The following TMEM178B variants were observed in gnomAD, a reference collection of about 807,000 sequenced individuals.
TMEM178B encodes the protein transmembrane protein 178B.
In TMEM178B, 5 loss-of-function variants were observed where a neutral mutation model predicts 31.0. That is an observed-to-expected ratio of 0.16 (90% confidence interval 0.08 to 0.34). The LOEUF (loss-of-function observed/expected upper bound fraction) is 0.34, where lower values mean the gene tolerates loss of function less well. TMEM178B is among the 10% of genes least tolerant of loss of function. The pLI, the probability that TMEM178B is intolerant of heterozygous loss-of-function variation, is 1.00. For synonymous variants in TMEM178B, 164 were observed against 164.0 expected (o/e 1.00, Z 0.00); for missense variants, 275 against 400.3 (o/e 0.69, Z 2.67).
rs1269977763 is a variant in TMEM178B at position 141,074,565 on chromosome 7, C to T, written c.255C>T (p.Arg85=). Residue 85 remains arginine (R), a synonymous_variant, in exon 1 of 4, where the codon CGC becomes CGT. Transcript: ENST00000565468. This position sits in a 1 kb window ranked among gnomAD's most constrained non-coding sequence, Gnocchi z 5.1. ...GCAAACTCCTCCGGGCCCGGAATCG[C>T]CGGCAGCTGTTCGCCATGAGCCCCG... ...WEGKLLRARN[R]RQLFAMSPAD... The T allele has an allele frequency of 9.8e-6, 15 of 1,535,854 alleles. No individual in the cohort carries two copies. Among genetic ancestry groups the T allele is most frequent in the Non-Finnish European group, 1.2e-5 (14 of 1,146,784 alleles).
intron 1 of TMEM178B, among the ~76,000 whole-genome samples, chr7:141,119,689 G>C (rs976532932): frequency 1.3e-5 from 2 of 152,146 alleles, no homozygotes; most frequent in Non-Finnish European, 2.9e-5. Context: ...AAATAGGGAG[G>C]GTAAGGGTGA....
intron 2 of TMEM178B, among the ~76,000 whole-genome samples, chr7:141,412,698 G>A (rs747828675): frequency 6.6e-6 from 1 of 152,168 alleles, no homozygotes; most frequent in African/African-American, 2.4e-5. Flanking sequence ...GCGGAGCTCG[G>A]GGGAGTCAGG....
At chr7:141,075,013 T>G (rs1268449780) in intron 1 of TMEM178B, among the ~76,000 whole-genome samples, 1 of 152,234 alleles carries the variant, frequency 6.6e-6, no homozygotes, top group Non-Finnish European at 1.5e-5. Context: ...GAACGTTGTT[T>G]GTGCTCTTAA....
intron 1 of TMEM178B, among the ~76,000 whole-genome samples, chr7:141,075,507 A>C (rs1794587526): frequency 6.6e-6 from 1 of 152,268 alleles, no homozygotes; most frequent in East Asian, 1.9e-4. Flanking sequence ...ATATGATCAC[A>C]TTACTTAAAA....
chr7:141,183,896 T>C lies in TMEM178B; in HGVS notation c.383-28695T>C, dbSNP rs1167998757. Among the ~76,000 whole-genome samples the C allele has an allele frequency of 2.6e-5, 4 of 152,356 alleles. No homozygotes were observed. In the East Asian group the frequency reaches 7.7e-4, roughly 29 times the overall value. On this transcript the variant is annotated intron_variant, in intron 1 of 3. Coordinates refer to ENST00000565468, the MANE Select transcript of TMEM178B (RefSeq NM_001195278.2). ...TAGCCCCGGCATGCGGCCTCCTTGGTGTGCAGGACAGCCAGGTTTGGCCTC... is the reference window on the plus strand; with the variant it reads ...TAGCCCCGGCATGCGGCCTCCTTGGCGTGCAGGACAGCCAGGTTTGGCCTC...
chr7:141,486,430 T>C, the TMEM178B span, among the ~76,000 whole-genome samples: 2 of 152,236 alleles, frequency 1.3e-5, no homozygotes, highest in Admixed American at 6.5e-5. Flanking sequence ...TTCAGGACCC[T>C]GTCTGCCCCC....
In TMEM178B at chr7:141,470,663, T is replaced by C; in HGVS notation, c.762T>C (p.Cys254=). Reference sequence around the variant, plus strand: ...ATGGCTATGGCTGGTCCATGTTCTGTGCATGGGGGGGCCTGGGCCTCACAC... The same window carrying C: ...ATGGCTATGGCTGGTCCATGTTCTGCGCATGGGGGGGCCTGGGCCTCACAC... ...ISHGYGWSMF[C]AWGGLGLTLI... is the part of the protein sequence containing the mutation. Residue 254 remains cysteine, a synonymous_variant, in exon 4 of 4, where the codon TGT becomes TGC. Coordinates refer to ENST00000565468, the MANE Select transcript of TMEM178B (RefSeq NM_001195278.2). The C allele has an allele frequency of 6.5e-7, 1 of 1,535,820 alleles. No homozygotes were observed. The highest frequency in any genetic ancestry group is 8.7e-7 in the Non-Finnish European group (1 of 1,146,844).
At chr7:141,116,505 A>G (rs1260828912) in intron 1 of TMEM178B, among the ~76,000 whole-genome samples, 1 of 152,160 alleles carries the variant, frequency 6.6e-6, no homozygotes. Context: ...TGACTCTGCA[A>G]TGAACTTGGA....
chr7:141,338,096 C>T (rs939613123), intron 2 of TMEM178B, among the ~76,000 whole-genome samples: 6 of 152,128 alleles, frequency 3.9e-5, no homozygotes, highest in Non-Finnish European at 7.4e-5. Context: ...CTCGGCCTCC[C>T]AAAGTGCTGG....
At chr7:141,334,008 C>T (rs894421270) in intron 2 of TMEM178B, among the ~76,000 whole-genome samples, 1 of 152,166 alleles carries the variant, frequency 6.6e-6, no homozygotes, top group African/African-American at 2.4e-5. Flanking sequence ...AGGGGGAACC[C>T]CTGCTCTAAG....
chr7:141,442,061 G>A (rs1024754510), intron 3 of TMEM178B, among the ~76,000 whole-genome samples: 1 of 152,204 alleles, frequency 6.6e-6, no homozygotes, highest in African/African-American at 2.4e-5. Flanking sequence ...CAGAAGCTCA[G>A]GAACAGGATG....
intron 2 of TMEM178B, among the ~76,000 whole-genome samples, chr7:141,436,807 C>G (rs1443484788): frequency 6.6e-6 from 1 of 152,142 alleles, no homozygotes; most frequent in East Asian, 1.9e-4. Context: ...AAAAATACTG[C>G]CTTTCCAGAC....
intron 2 of TMEM178B, among the ~76,000 whole-genome samples, chr7:141,293,462 A>G (rs1427459879): frequency 6.6e-6 from 1 of 152,162 alleles, no homozygotes; most frequent in Non-Finnish European, 1.5e-5. Flanking sequence ...GACTTTTGGA[A>G]TTGGAAGTAC....
intron 2 of TMEM178B, among the ~76,000 whole-genome samples, chr7:141,324,901 T>C (rs1170493800): frequency 6.6e-6 from 1 of 152,116 alleles, no homozygotes; most frequent in Non-Finnish European, 1.5e-5. Context: ...CTAGCCACAC[T>C]CTCCAATTGA....
intron 2 of TMEM178B, among the ~76,000 whole-genome samples, chr7:141,322,658 C>G (rs1799121352): frequency 6.6e-6 from 1 of 152,168 alleles, no homozygotes; most frequent in Admixed American, 6.5e-5. Context: ...ATATTCAAGG[C>G]TGGGACGTGT....
chr7:141,437,886 A>T (rs1801578252), intron 3 of TMEM178B, 141 bp downstream of exon 3: 1 of 1,251,834 alleles, frequency 8.0e-7, no homozygotes, highest in African/African-American at 1.5e-5. Flanking sequence ...GTTCACAAGC[A>T]CTTCTTGAGT....
chr7:141,297,765 A>G (rs1395677369), intron 2 of TMEM178B, among the ~76,000 whole-genome samples: 3 of 152,342 alleles, frequency 2.0e-5, no homozygotes, highest in African/African-American at 2.4e-5. Context: ...ACTGATGGAC[A>G]TTTGGGTTGG....
intron 2 of TMEM178B, among the ~76,000 whole-genome samples, chr7:141,374,050 G>C (rs778396235): frequency 1.3e-5 from 2 of 152,136 alleles, no homozygotes; most frequent in Non-Finnish European, 2.9e-5. Flanking sequence ...TGGCTATGAA[G>C]AGAAAGCTTA....
chr7:141,279,827 G>A (rs1475717221), intron 2 of TMEM178B, among the ~76,000 whole-genome samples: 3 of 152,244 alleles, frequency 2.0e-5, no homozygotes, highest in Non-Finnish European at 4.4e-5. Context: ...GCCATCGGTG[G>A]ATTCCCATTG....
Sources: gnomAD v4.1 joint callset for allele counts (sites outside exome capture counted in the v4.1 genomes callset) on GRCh38, gnomAD v4.1.1 for gene constraint, Gnocchi (gnomAD v3.1) non-coding constraint, MANE v1.5 for transcripts, NCBI Gene and HGNC (gene_info 2026-07-23, HGNC 2026-07-21) for gene names.